PRPF6: variants seen among roughly 807,000 people sequenced by gnomAD.
The protein encoded by PRPF6 is pre-mRNA processing factor 6.
In PRPF6, 42 loss-of-function variants were observed where a neutral mutation model predicts 118.3. The ratio of observed to expected loss-of-function variants is 0.35; its 90% CI spans 0.28 to 0.46. The LOEUF is 0.46. PRPF6 is among the 20% of genes least tolerant of loss of function. The probability of loss-of-function intolerance (pLI) is 1.00; values close to 1 mark genes in which losing one functional copy is unlikely to be tolerated. For synonymous variants in PRPF6, 481 were observed against 485.1 expected, an observed-to-expected ratio of 0.99 and a Z score of 0.11; for missense variants, 662 against 1,255.7, an observed-to-expected ratio of 0.53 and a Z score of 7.15.
chr20:63,992,011 A>T (rs1418879348), intron 3 of PRPF6, among the ~76,000 whole-genome samples: 1 of 152,150 alleles, frequency 6.6e-6, no homozygotes, highest in Admixed American at 6.6e-5. Flanking sequence ...GCAAGGAAGG[A>T]AAGGTGGGAT....
At chr20:64,013,940 T>C (rs1260785695) in intron 11 of PRPF6, among the ~76,000 whole-genome samples, 1 of 151,996 alleles carries the variant, frequency 6.6e-6, no homozygotes, top group Non-Finnish European at 1.5e-5. Flanking sequence ...GTTTTTGTTT[T>C]TGTTTTTTTT....
At chr20:64,008,951 A>T (rs2059202318) in intron 9 of PRPF6, among the ~76,000 whole-genome samples, 1 of 152,044 alleles carries the variant, frequency 6.6e-6, no homozygotes, top group Non-Finnish European at 1.5e-5. Context: ...AATTTTTTTT[A>T]AGTTTTAGGT....
At chr20:64,017,459 G>A (rs1189058110) in intron 12 of PRPF6, among the ~76,000 whole-genome samples, 5 of 149,690 alleles carry the variant, frequency 3.3e-5, no homozygotes, top group Non-Finnish European at 7.4e-5. Flanking sequence ...CGCCCTGCCC[G>A]GCCTCCCAGA....
intron 1 of PRPF6, 138 bp from the exon 2 acceptor site, chr20:63,982,909 C>T: frequency 1.0e-6 from 1 of 992,688 alleles, no homozygotes; most frequent in Non-Finnish European, 1.5e-6. Context: ...TTTGAGACTG[C>T]AGTTCATTGT....
At position 64,026,178 on chromosome 20, in the gene PRPF6, A is replaced by C. The variant is rs542309414; in HGVS notation, c.2028+120A>C. The C allele has an allele frequency of 3.0e-5, 45 of 1,514,140 alleles. No homozygotes were observed. In the East Asian group the frequency reaches 9.3e-4, roughly 31 times the overall value. 93.8% of individuals were successfully genotyped at this position (1,514,140 alleles called of 1,614,324 possible). On this transcript the variant is annotated intron_variant, in intron 15 of 20. Coordinates refer to ENST00000266079, the MANE Select transcript of PRPF6 (RefSeq NM_012469.4). The surrounding 1 kb of genome is among the most constrained non-coding windows in gnomAD (Gnocchi z 4.4). ...CGGCAGGCAAACGAGACCACAGCACACTCATCTTTGTGATGTGACTAAAAC... is the reference window on the plus strand; with the variant it reads ...CGGCAGGCAAACGAGACCACAGCACCCTCATCTTTGTGATGTGACTAAAAC...
chr20:64,009,830 A>G (rs1244731702), intron 9 of PRPF6, among the ~76,000 whole-genome samples: 1 of 152,168 alleles, frequency 6.6e-6, no homozygotes, highest in Non-Finnish European at 1.5e-5. Flanking sequence ...TTATTTTACC[A>G]AGATTAGTTT....
At chr20:63,983,365 G>C in intron 2 of PRPF6, 150 bp downstream of exon 2, 1 of 1,027,320 alleles carries the variant, frequency 9.7e-7, no homozygotes, top group South Asian at 1.3e-5. Context: ...CTGAGAGTGA[G>C]AGGGAGCAGG....
At position 63,995,492 on chromosome 20, in the gene PRPF6, TCA is replaced by T; in HGVS notation, c.771+15_771+16del. 1 of 1,614,092 alleles carries T rather than the reference TCA, an allele frequency of 6.2e-7. No homozygotes were observed. Among genetic ancestry groups the T allele is most frequent in the Non-Finnish European group, 8.5e-7 (1 of 1,180,036 alleles). ...CATGAGGCTGAGCCAGGTGAGTTTGTCACACAGCATTTTCCTGTGGACAGGTT... is the reference window on the plus strand; with the variant it reads ...CATGAGGCTGAGCCAGGTGAGTTTGTCACAGCATTTTCCTGTGGACAGGTT... On this transcript the variant is annotated intron_variant, in intron 6 of 20. Transcript: ENST00000266079.
intron 9 of PRPF6, 41 bp downstream of exon 9, chr20:64,001,280 G>A (rs767205078): frequency 5.6e-6 from 9 of 1,610,086 alleles, no homozygotes; most frequent in East Asian, 2.2e-5. Flanking sequence ...CCTCCTTGGG[G>A]CCCCTCCTCT....
In PRPF6 at chr20:64,028,569, G is replaced by A; in HGVS notation, c.2431G>A (p.Gly811Ser). 5 of 1,609,064 alleles carry A rather than the reference G, an allele frequency of 3.1e-6. No individual in the cohort carries two copies. The highest frequency in any genetic ancestry group is 4.2e-6 in the Non-Finnish European group (5 of 1,177,698). ...GGCGCTGCAGGAGTGCCCCAACTCC[G>A]GTAAGGGGGTGCCCCGACTCCGGTA... is the stretch of plus-strand genomic sequence containing the variant. ...AKALQECPNSGILWSEAIFLE... is the reference protein window; with the variant it reads ...AKALQECPNSSILWSEAIFLE... The change falls in exon 18 of 21, where the codon GGT (glycine) becomes AGT (serine). Residue 811 changes from glycine to serine, a missense_variant and splice_region_variant. Gly to Ser is a moderately conservative substitution (Grantham distance 56). This residue lies in a region of PRPF6 where 244 missense variants were observed against 383.7 expected (regional missense o/e 0.64). Transcript: ENST00000266079. This position sits in a 1 kb window ranked among gnomAD's most constrained non-coding sequence, Gnocchi z 6.5.
At chr20:64,003,642 C>T (rs1165871645) in intron 9 of PRPF6, among the ~76,000 whole-genome samples, 1 of 152,208 alleles carries the variant, frequency 6.6e-6, no homozygotes, top group Non-Finnish European at 1.5e-5. Flanking sequence ...GTCGCCCAGC[C>T]TGGAGTGCAG....
chr20:64,026,847 G>T lies in PRPF6; in HGVS notation c.2029-135G>T, dbSNP rs1490583907. 12 of 898,072 alleles carry T rather than the reference G, an allele frequency of 1.3e-5. No individual in the cohort carries two copies. Among genetic ancestry groups the T allele is most frequent in the Non-Finnish European group, 2.2e-5 (12 of 556,030 alleles). 55.6% of individuals were successfully genotyped at this position (898,072 alleles called of 1,614,324 possible). ...AAACATATATTTATCCCCACCTTTTGTGTACACAAACAGGCTATGAAAAGC... is the reference window on the plus strand; with the variant it reads ...AAACATATATTTATCCCCACCTTTTTTGTACACAAACAGGCTATGAAAAGC... On this transcript the variant is annotated intron_variant, in intron 15 of 20. Transcript: ENST00000266079. The surrounding 1 kb of genome is among the most constrained non-coding windows in gnomAD (Gnocchi z 4.4).
chr20:64,031,857 C>G, intron 19 of PRPF6, 61 bp from the exon 20 acceptor site: 1 of 1,612,884 alleles, frequency 6.2e-7, no homozygotes, highest in South Asian at 1.1e-5. Context: ...AGCCGTTCCC[C>G]TGCCCCAGAA....
Position 64,027,693 on chromosome 20 carries a change from T to C in PRPF6, c.2296T>C (p.Leu766=). The change falls in exon 17 of 21, where the codon TTG becomes CTG. Residue 766 remains leucine, a synonymous_variant. Coordinates refer to ENST00000266079, the MANE Select transcript of PRPF6 (RefSeq NM_012469.4). This position sits in a 1 kb window ranked among gnomAD's most constrained non-coding sequence, Gnocchi z 6.5. Reference sequence around the variant, plus strand: ...GCAGCTTACTCGAGCACGGGCCATTTTGGAAAAGTCTCGTCTGAAGAACCC... The same window carrying C: ...GCAGCTTACTCGAGCACGGGCCATTCTGGAAAAGTCTCGTCTGAAGAACCC... ...IGQLTRARAI[L]EKSRLKNPKN... The C allele has an allele frequency of 6.2e-7, 1 of 1,614,032 alleles. No individual in the cohort carries two copies.
intron 9 of PRPF6, among the ~76,000 whole-genome samples, chr20:64,007,362 TCTCCCCTCCCCGC>T (rs1355634774): frequency 1.4e-5 from 2 of 147,606 alleles, no homozygotes; most frequent in African/African-American, 2.5e-5. Flanking sequence ...TCACTTGCCC[TCTCCCCTCCCCGC>T]CTCCCCTCCC....
rs1426587746 is a variant in PRPF6, at chr20:64,026,146, G to A, written c.2028+88G>A. The A allele has an allele frequency of 5.7e-6, 9 of 1,579,824 alleles. No individual in the cohort carries two copies. The Admixed American group carries it at 1.4e-4, about 25-fold the overall frequency. On this transcript the variant is annotated intron_variant, in intron 15 of 20. Transcript: ENST00000266079. The surrounding 1 kb of genome is among the most constrained non-coding windows in gnomAD (Gnocchi z 4.4). ...GCCTGGCTTGGGTGGTGATGGGAGT[G>A]AGATGACGGCAGGCAAACGAGACCA...
chr20:63,999,603 T>C lies in PRPF6; in HGVS notation c.867T>C (p.Asn289=), dbSNP rs779142310. ...GCCGTGTGCACTCTCCCTCTCATAGTGATATCAAGAAGGCGCGACTGCTCC... is the reference window on the plus strand; with the variant it reads ...GCCGTGTGCACTCTCCCTCTCATAGCGATATCAAGAAGGCGCGACTGCTCC... The part of the protein sequence containing the change: ...SMIPTHGGDI[N]DIKKARLLLK... Residue 289 remains asparagine, a splice_region_variant and synonymous_variant, in exon 8 of 21, where the codon AAT becomes AAC. Coordinates refer to ENST00000266079, the MANE Select transcript of PRPF6 (RefSeq NM_012469.4). The C allele has an allele frequency of 1.2e-6, 2 of 1,613,994 alleles. No individual in the cohort carries two copies. Among genetic ancestry groups the C allele is most frequent in the East Asian group, 2.2e-5 (1 of 44,876 alleles).
chr20:63,989,609 G>A (rs1239111670), intron 3 of PRPF6, among the ~76,000 whole-genome samples: 1 of 151,806 alleles, frequency 6.6e-6, no homozygotes, highest in African/African-American at 2.4e-5. Context: ...TCTGCCTCCC[G>A]GGTTCAAGCA....
chr20:63,997,823 G>T (rs1439455596), intron 6 of PRPF6, among the ~76,000 whole-genome samples: 1 of 151,682 alleles, frequency 6.6e-6, no homozygotes, highest in Admixed American at 6.6e-5. Flanking sequence ...GATCCACGTG[G>T]CTCGGCCTCC....
Sources: gnomAD v4.1 joint callset for allele counts (sites outside exome capture counted in the v4.1 genomes callset) on GRCh38, gnomAD v4.1.1 for gene constraint, gnomAD v4.1.1 regional missense constraint, Gnocchi (gnomAD v3.1) non-coding constraint, MANE v1.5 for transcripts, NCBI Gene and HGNC (gene_info 2026-07-23, HGNC 2026-07-21) for gene names.